The following KCNIP1 variants were observed in gnomAD, a reference collection of about 807,000 sequenced individuals.
The protein encoded by KCNIP1 is A-type potassium channel modulatory protein KCNIP1.
In KCNIP1, 18 loss-of-function variants were observed where a neutral mutation model predicts 33.0. That is an observed-to-expected ratio of 0.55 (90% CI 0.38 to 0.81). The LOEUF is 0.81. KCNIP1 is among the 30% of genes least tolerant of loss of function. The probability of loss-of-function intolerance (pLI) is 0.00; values close to 1 mark genes in which losing one functional copy is unlikely to be tolerated. For missense variants in KCNIP1, 238 were observed against 271.6 expected, an observed-to-expected ratio of 0.88 and a Z score of 0.87; for synonymous variants, 93 against 98.3, an observed-to-expected ratio of 0.95 and a Z score of 0.32.
At chr5:170,538,389 C>A (rs1244165306) in intron 1 of KCNIP1, among the ~76,000 whole-genome samples, 1 of 152,116 alleles carries the variant, frequency 6.6e-6, no homozygotes, top group Admixed American at 6.5e-5. Context: ...TATTCCCAAC[C>A]CCCTTTCCAA....
intron 1 of KCNIP1, among the ~76,000 whole-genome samples, chr5:170,431,777 C>T (rs1755747049): frequency 6.6e-6 from 1 of 152,222 alleles, no homozygotes; most frequent in African/African-American, 2.4e-5. Flanking sequence ...AAGGCTCTGC[C>T]ACCTACCCAG....
At chr5:170,408,074 T>C (rs999569834) in intron 1 of KCNIP1, among the ~76,000 whole-genome samples, 2 of 152,244 alleles carry the variant, frequency 1.3e-5, no homozygotes, top group Non-Finnish European at 2.9e-5. Context: ...GGTGGTAATA[T>C]GAGTGGACCA....
chr5:170,561,684 C>T (rs1757039170), intron 1 of KCNIP1, among the ~76,000 whole-genome samples: 1 of 152,240 alleles, frequency 6.6e-6, no homozygotes, highest in Non-Finnish European at 1.5e-5. Flanking sequence ...GACGCCTATG[C>T]ACACACGGTG....
At chr5:170,353,811 G>A (rs1763273637) in exon 1 of KCNIP1, 1 of 1,463,114 alleles carries the variant, frequency 6.8e-7, no homozygotes, top group Non-Finnish European at 9.5e-7. Context: ...CAAGTTCCTG[G>A]GGTGCACAAG....
intron 1 of KCNIP1, among the ~76,000 whole-genome samples, chr5:170,485,400 C>T (rs908456263): frequency 6.6e-6 from 1 of 152,198 alleles, no homozygotes; most frequent in African/African-American, 2.4e-5. Flanking sequence ...AAACTCAAGC[C>T]CACAGAGCCC....
intron 1 of KCNIP1, among the ~76,000 whole-genome samples, chr5:170,451,770 T>TGTGTGTGTGTGTGTGC (rs1215207951): frequency 2.0e-5 from 3 of 147,610 alleles, no homozygotes; most frequent in African/African-American, 7.6e-5. Context: ...TGTGTGTGTG[T>TGTGTGTGTGTGTGTGC]TTGCAGGGGG....
At chr5:170,465,780 A>C (rs146078585) in intron 1 of KCNIP1, among the ~76,000 whole-genome samples, 1 of 152,232 alleles carries the variant, frequency 6.6e-6, no homozygotes, top group South Asian at 2.1e-4. Context: ...TTGCTAGTTA[A>C]GCAGGTGTTG....
intron 2 of KCNIP1, 81 bp downstream of exon 2, chr5:170,718,963 A>G: frequency 6.5e-7 from 1 of 1,543,766 alleles, no homozygotes. Flanking sequence ...GGGAGCTCAT[A>G]AGGCGTTTCC....
At position 170,504,706 on chromosome 5, in the gene KCNIP1, C is replaced by A; in HGVS notation, c.61+73C>A. On this transcript the variant is annotated intron_variant, in intron 1 of 7. Coordinates refer to ENST00000328939, the MANE Select transcript of KCNIP1 (RefSeq NM_014592.4). This position sits in a 1 kb window ranked among gnomAD's most constrained non-coding sequence, Gnocchi z 6.0. ...TAGGCGCCGAGGTGGGCTGTGCCAC[C>A]TGCCTCCCTTAGTCCGGACTCTCCT... 1 of 1,262,918 alleles carries A rather than the reference C, an allele frequency of 7.9e-7. No homozygotes were observed. The highest frequency in any genetic ancestry group is 1.2e-6 in the Non-Finnish European group (1 of 861,812). The allele number at this position is 1,262,918 out of a possible 1,614,324, so 78.2% of individuals were successfully genotyped here.
intron 1 of KCNIP1, among the ~76,000 whole-genome samples, chr5:170,636,882 TA>T (rs1760305653): frequency 6.6e-6 from 1 of 152,108 alleles, no homozygotes; most frequent in African/African-American, 2.4e-5. Context: ...AGCAGAGGCT[TA>T]GGGGTGTGAA....
chr5:170,532,800 C>T (rs1755830381), intron 1 of KCNIP1, among the ~76,000 whole-genome samples: 1 of 152,178 alleles, frequency 6.6e-6, no homozygotes. Context: ...GTCCCTTCTC[C>T]AGTGACAAGC....
intron 1 of KCNIP1, among the ~76,000 whole-genome samples, chr5:170,436,960 C>T (rs2041962521): frequency 6.6e-6 from 1 of 152,116 alleles, no homozygotes; most frequent in African/African-American, 2.4e-5. Flanking sequence ...AAGAGAAAAG[C>T]AACCAAGTAA....
chr5:170,401,866 A>T (rs1428416281), intron 1 of KCNIP1, among the ~76,000 whole-genome samples: 2 of 152,058 alleles, frequency 1.3e-5, no homozygotes, highest in African/African-American at 4.8e-5. Flanking sequence ...AGTTGCTGTG[A>T]CACAAATCAC....
intron 1 of KCNIP1, among the ~76,000 whole-genome samples, chr5:170,700,265 C>T (rs189574370): frequency 1.2e-4 from 18 of 152,250 alleles, no homozygotes; most frequent in East Asian, 5.8e-4. Context: ...AGAAGCCTTG[C>T]GGTTATGTTT....
intron 1 of KCNIP1, among the ~76,000 whole-genome samples, chr5:170,665,431 C>G (rs1352108715): frequency 6.6e-6 from 1 of 152,122 alleles, no homozygotes; most frequent in African/African-American, 2.4e-5. Flanking sequence ...ATACGCCTGT[C>G]TCTCCTGCCA....
intron 1 of KCNIP1, among the ~76,000 whole-genome samples, chr5:170,647,057 G>T (rs530281016): frequency 4.6e-5 from 7 of 152,182 alleles, no homozygotes; most frequent in African/African-American, 1.7e-4. Flanking sequence ...AATAACATAT[G>T]TACAAGATCT....
chr5:170,381,342 G>A (rs1764230657), intron 1 of KCNIP1, among the ~76,000 whole-genome samples: 1 of 152,200 alleles, frequency 6.6e-6, no homozygotes, highest in African/African-American at 2.4e-5. Context: ...GACAATGGGA[G>A]GGAATTTAGA....
intron 1 of KCNIP1, among the ~76,000 whole-genome samples, chr5:170,654,295 G>A (rs1019060461): frequency 6.6e-6 from 1 of 152,166 alleles, no homozygotes; most frequent in Non-Finnish European, 1.5e-5. Context: ...TCTGTGCCAG[G>A]CACTGTGCTT....
intron 1 of KCNIP1, chr5:170,383,338 A>T: frequency 5.3e-6 from 3 of 570,988 alleles, no homozygotes; most frequent in Non-Finnish European, 9.4e-6. Flanking sequence ...AGTGCCCACT[A>T]TCCACTCAGC....
Sources: allele counts gnomAD v4.1 joint callset (sites outside exome capture counted in the v4.1 genomes callset), GRCh38; gene constraint gnomAD v4.1.1; non-coding constraint Gnocchi (gnomAD v3.1); transcripts MANE v1.5; gene names NCBI Gene and HGNC (gene_info 2026-07-23, HGNC 2026-07-21).